GALNT7: variants seen among roughly 807,000 people sequenced by gnomAD.
The protein encoded by GALNT7 is polypeptide N-acetylgalactosaminyltransferase 7, also known as N-acetylgalactosaminyltransferase 7.
Under a neutral mutation model 82.1 loss-of-function variants are expected in GALNT7, and 60 were observed. The observed-to-expected ratio is 0.73, with a 90% CI of 0.59 to 0.91. The LOEUF is 0.91. Ranked by LOEUF, GALNT7 falls within the 40% of genes least tolerant of loss-of-function variation. The probability of loss-of-function intolerance (pLI) is 0.00; values close to 1 mark genes in which losing one functional copy is unlikely to be tolerated. For missense variants in GALNT7, 660 were observed against 804.2 expected (o/e 0.82, Z 2.17); for synonymous variants, 243 against 275.1 (o/e 0.88, Z 1.15).
intron 1 of GALNT7, among the ~76,000 whole-genome samples, chr4:173,202,348 GA>G (rs1199089867): frequency 6.6e-6 from 1 of 152,170 alleles, no homozygotes; most frequent in African/African-American, 2.4e-5. Context: ...AGAAGGCAGA[GA>G]AACCATGACC....
At chr4:173,186,103 T>C (rs1732452698) in intron 1 of GALNT7, among the ~76,000 whole-genome samples, 1 of 152,196 alleles carries the variant, frequency 6.6e-6, no homozygotes. Context: ...AAGCCAATCA[T>C]TTGTCATGGG....
chr4:173,182,844 A>ACT (rs1732297730), intron 1 of GALNT7, among the ~76,000 whole-genome samples: 1 of 139,102 alleles, frequency 7.2e-6, no homozygotes, highest in African/African-American at 2.7e-5. Context: ...ACACACACAC[A>ACT]GCTTTTTCTC....
At chr4:173,268,609 C>T (rs1360329345) in intron 2 of GALNT7, among the ~76,000 whole-genome samples, 1 of 133,248 alleles carries the variant, frequency 7.5e-6, no homozygotes, top group Non-Finnish European at 1.6e-5. Flanking sequence ...TGGCTCACAG[C>T]AAGCTCTGCC....
intron 2 of GALNT7, among the ~76,000 whole-genome samples, chr4:173,255,773 C>T (rs555141897): frequency 2.0e-5 from 3 of 152,260 alleles, no homozygotes; most frequent in Non-Finnish European, 2.9e-5. Flanking sequence ...CAGTTCCTTC[C>T]GAAAGACAGC....
intron 2 of GALNT7, among the ~76,000 whole-genome samples, chr4:173,253,256 G>A (rs1734908354): frequency 6.6e-6 from 1 of 152,154 alleles, no homozygotes; most frequent in African/African-American, 2.4e-5. Context: ...GGAAGACCCT[G>A]AAGGATGAGT....
At chr4:173,246,110 T>A (rs950019700) in intron 1 of GALNT7, among the ~76,000 whole-genome samples, 3 of 152,180 alleles carry the variant, frequency 2.0e-5, no homozygotes, top group African/African-American at 7.2e-5. Flanking sequence ...CCAGCTTATC[T>A]CACCCTTTCC....
chr4:173,192,592 C>A (rs1191486572), intron 1 of GALNT7, among the ~76,000 whole-genome samples: 1 of 152,198 alleles, frequency 6.6e-6, no homozygotes, highest in African/African-American at 2.4e-5. Flanking sequence ...CATATGTACA[C>A]TCGAGTTCTT....
intron 1 of GALNT7, 33 bp downstream of exon 1, chr4:173,168,994 G>T (rs767039587): frequency 6.2e-7 from 1 of 1,606,262 alleles, no homozygotes; most frequent in Non-Finnish European, 8.5e-7. Flanking sequence ...TCCGGCGGCA[G>T]CGACCGGCAA....
rs368609089 is a variant in GALNT7 at position 173,196,158 on chromosome 4, T to G, written c.126+27197T>G. 2.7e-4 allele frequency among the ~76,000 whole-genome samples: 41 copies of G among 151,562 alleles called. 1 individual carries two copies. The East Asian group carries it at 5.3e-3, about 19-fold the overall frequency. On this transcript the variant is annotated intron_variant, in intron 1 of 11. Coordinates refer to ENST00000265000, the MANE Select transcript of GALNT7 (RefSeq NM_017423.3). The stretch of plus-strand genomic sequence containing the variant: ...TTTTTTTTTTGAGACAGAGTCTCGC[T>G]CTGTCGCCCAGGCTGGAGTGCAATG...
chr4:173,278,328 A>T (rs1735989823), intron 2 of GALNT7, among the ~76,000 whole-genome samples: 1 of 152,216 alleles, frequency 6.6e-6, no homozygotes, highest in South Asian at 2.1e-4. Flanking sequence ...TATAGTTTGA[A>T]TGATAGTGCA....
intron 1 of GALNT7, among the ~76,000 whole-genome samples, chr4:173,183,135 A>G (rs1475076116): frequency 6.6e-6 from 1 of 152,066 alleles, no homozygotes; most frequent in Non-Finnish European, 1.5e-5. Context: ...TAAAGGTAAA[A>G]GGTAACCGAA....
chr4:173,279,263 G>A (rs916472840), intron 2 of GALNT7, among the ~76,000 whole-genome samples: 7 of 152,144 alleles, frequency 4.6e-5, no homozygotes, highest in African/African-American at 1.7e-4. Context: ...CTCACATGGT[G>A]AGACTGAGAG....
At chr4:173,301,096 CTG>C (rs1736909765) in intron 6 of GALNT7, among the ~76,000 whole-genome samples, 1 of 151,844 alleles carries the variant, frequency 6.6e-6, no homozygotes, top group Non-Finnish European at 1.5e-5. Context: ...AATCATGCCA[CTG>C]TACTCCAGGC....
At chr4:173,240,293 T>G (rs1405258139) in intron 1 of GALNT7, among the ~76,000 whole-genome samples, 2 of 151,798 alleles carry the variant, frequency 1.3e-5, no homozygotes, top group Non-Finnish European at 2.9e-5. Flanking sequence ...TGAGATTAAA[T>G]GTCAAATACT....
At chr4:173,215,845 C>A (rs986894855) in intron 1 of GALNT7, among the ~76,000 whole-genome samples, 1 of 152,180 alleles carries the variant, frequency 6.6e-6, no homozygotes, top group Non-Finnish European at 1.5e-5. Flanking sequence ...TGCAGTGGTT[C>A]ACGCCCGTAA....
intron 2 of GALNT7, among the ~76,000 whole-genome samples, chr4:173,280,789 GT>G (rs1344107046): frequency 6.6e-6 from 1 of 152,168 alleles, no homozygotes; most frequent in African/African-American, 2.4e-5. Flanking sequence ...AGAATAGGGG[GT>G]TTTACCTCAA....
intron 1 of GALNT7, among the ~76,000 whole-genome samples, chr4:173,193,503 G>A (rs557079789): frequency 4.2e-4 from 64 of 151,772 alleles, no homozygotes; most frequent in Admixed American, 4.6e-4. Context: ...TTTTTTAAAG[G>A]CGTTACATTC....
intron 2 of GALNT7, among the ~76,000 whole-genome samples, chr4:173,279,770 C>G (rs1196803354): frequency 6.6e-6 from 1 of 151,978 alleles, no homozygotes; most frequent in Non-Finnish European, 1.5e-5. Context: ...GTCAGGAGTT[C>G]GAGACCAGCC....
At chr4:173,271,457 A>G (rs956231113) in intron 2 of GALNT7, among the ~76,000 whole-genome samples, 39 of 152,094 alleles carry the variant, frequency 2.6e-4, no homozygotes, top group African/African-American at 9.4e-4. Flanking sequence ...TTGTTTATTT[A>G]TTTATTTATT....
Sources: gnomAD v4.1 joint callset for allele counts (sites outside exome capture counted in the v4.1 genomes callset) on GRCh38, gnomAD v4.1.1 for gene constraint, MANE v1.5 for transcripts, NCBI Gene and HGNC (gene_info 2026-07-23, HGNC 2026-07-21) for gene names.